NLRP14: variants seen among roughly 807,000 people sequenced by gnomAD.
The protein encoded by NLRP14 is NLR family pyrin domain containing 14, also known as NACHT, LRR and PYD domains-containing protein 14.
NLRP14 carries 105 observed loss-of-function variants against 94.7 expected under a neutral mutation model. The ratio of observed to expected loss-of-function variants is 1.11; its 90% CI spans 0.95 to 1.30. The LOEUF is 1.30. Ranked by LOEUF, NLRP14 falls within the 50% of genes most tolerant of loss-of-function variation. The pLI is 0.00. For missense variants in NLRP14, 1,362 were observed against 1,254.1 expected (o/e 1.09, Z -1.30); for synonymous variants, 508 against 459.9 (o/e 1.10, Z -1.34).
Position 7,071,266 on chromosome 11 carries a change from C to A in NLRP14, c.3240C>A (p.Asn1080Lys), listed in dbSNP as rs745689007. ...NPHLIIKPDC[N>K]YHNEEDVSWW... ...ACTTAATCATTAAGCCAGATTGTAA[C>A]TATCATAATGAAGAAGATGTGTCTT... Residue 1080 changes from asparagine (N) to lysine (K), a missense_variant, in exon 12 of 12, where the codon AAC becomes AAA. Transcript: ENST00000299481. 1 of 1,613,048 alleles carries A rather than the reference C, an allele frequency of 6.2e-7. No homozygotes were observed. Among genetic ancestry groups the A allele is most frequent in the Admixed American group, 1.7e-5 (1 of 59,962 alleles).
chr11:7,090,345 C>CA, the NLRP14 span: 2 of 1,539,390 alleles, frequency 1.3e-6, no homozygotes, highest in Non-Finnish European at 1.8e-6. Context: ...ACGAAACTAA[C>CA]AAAAAGAAGA....
chr11:7,058,514 T>C, intron 8 of NLRP14, 64 bp downstream of exon 8: 1 of 1,215,578 alleles, frequency 8.2e-7, no homozygotes, highest in Non-Finnish European at 1.2e-6. Flanking sequence ...TTTAAAATAG[T>C]AAAATATTAT....
chr11:7,029,392 A>G (rs1158368751), intron 1 of NLRP14, among the ~76,000 whole-genome samples: 1 of 152,234 alleles, frequency 6.6e-6, no homozygotes, highest in African/African-American at 2.4e-5. Flanking sequence ...AGGCATTGCA[A>G]TAACTTCAAA....
chr11:7,085,771 A>G, the NLRP14 span, among the ~76,000 whole-genome samples: 1 of 152,200 alleles, frequency 6.6e-6, no homozygotes, highest in Non-Finnish European at 1.5e-5. Context: ...TGCTACAGAA[A>G]TAGTTTTTAT....
chr11:7,078,252 C>G, the NLRP14 span, among the ~76,000 whole-genome samples: 1 of 150,856 alleles, frequency 6.6e-6, no homozygotes, highest in Non-Finnish European at 1.5e-5. Flanking sequence ...TCCTGGCTAA[C>G]ATGGCAAAAC....
intron 1 of NLRP14, among the ~76,000 whole-genome samples, chr11:7,028,563 A>C (rs1241118485): frequency 6.6e-6 from 1 of 152,122 alleles, no homozygotes; most frequent in Non-Finnish European, 1.5e-5. Context: ...CTTTGCCCAA[A>C]ACCCTCAGCT....
At chr11:7,080,345 T>C in the NLRP14 span, among the ~76,000 whole-genome samples, 1 of 152,204 alleles carries the variant, frequency 6.6e-6, no homozygotes, top group Non-Finnish European at 1.5e-5. Flanking sequence ...TATCCTTGAT[T>C]ACTACAGTAG....
At chr11:7,089,256 A>C in the NLRP14 span, 1 of 1,611,844 alleles carries the variant, frequency 6.2e-7, no homozygotes, top group Non-Finnish European at 8.5e-7. Context: ...CCGAGAAACC[A>C]ACAAGTCGAG....
the NLRP14 span, among the ~76,000 whole-genome samples, chr11:7,082,427 A>G: frequency 2.6e-5 from 4 of 152,214 alleles, no homozygotes; most frequent in Non-Finnish European, 4.4e-5. Flanking sequence ...GTCTATTATC[A>G]TATTTCATGA....
At chr11:7,089,700 C>A in the NLRP14 span, 579 of 1,519,620 alleles carry the variant, frequency 3.8e-4, no homozygotes, top group Non-Finnish European at 4.7e-4. Context: ...CTCAGGCCCA[C>A]CGCGCCGGGA....
At chr11:7,041,370 A>C (rs13377349) in intron 3 of NLRP14, among the ~76,000 whole-genome samples, 7,255 of 152,240 alleles carry the variant, frequency 0.048, 332 homozygotes, top group African/African-American at 0.12. Flanking sequence ...AGAAATAACC[A>C]GTATTAATAT....
At chr11:7,054,580 T>C (rs1280810771) in intron 6 of NLRP14, among the ~76,000 whole-genome samples, 2 of 152,166 alleles carry the variant, frequency 1.3e-5, no homozygotes, top group African/African-American at 4.8e-5. Context: ...TCTTTGCATA[T>C]GCCATTTGTG....
chr11:7,039,680 T>G lies in NLRP14; in HGVS notation c.290-34T>G, dbSNP rs750301440. The G allele has an allele frequency of 1.9e-6, 3 of 1,552,774 alleles. No individual in the cohort carries two copies. In the South Asian group the frequency reaches 3.3e-5, roughly 17 times the overall value. On this transcript the variant is annotated intron_variant, in intron 2 of 11. Transcript: ENST00000299481. ...ATCATGAAAGCTCACTTTGTTTTCA[T>G]TAAATATCATGATCCTATCGGAACC...
the NLRP14 span, among the ~76,000 whole-genome samples, chr11:7,077,125 T>C: frequency 6.6e-6 from 1 of 152,176 alleles, no homozygotes; most frequent in Admixed American, 6.5e-5. Flanking sequence ...GGTTGTCTTT[T>C]TACATTTCTT....
intron 10 of NLRP14, among the ~76,000 whole-genome samples, chr11:7,063,691 A>G (rs1852661874): frequency 6.6e-6 from 1 of 152,104 alleles, no homozygotes; most frequent in African/African-American, 2.4e-5. Context: ...TGATTAACAG[A>G]GACTGGGACC....
chr11:7,060,734 C>A (rs1404714969), intron 9 of NLRP14, among the ~76,000 whole-genome samples: 2 of 152,078 alleles, frequency 1.3e-5, no homozygotes, highest in East Asian at 3.9e-4. Flanking sequence ...ACTCTATGAG[C>A]AGATTTGCAT....
At chr11:7,041,760 G>A (rs1042402428) in intron 3 of NLRP14, among the ~76,000 whole-genome samples, 4 of 152,146 alleles carry the variant, frequency 2.6e-5, no homozygotes, top group Non-Finnish European at 2.9e-5. Context: ...GTAGTCTAGC[G>A]ATGAGGTTCA....
At chr11:7,033,253 C>T (rs1011961980) in intron 1 of NLRP14, among the ~76,000 whole-genome samples, 3 of 152,164 alleles carry the variant, frequency 2.0e-5, no homozygotes, top group Admixed American at 6.5e-5. Context: ...ACACATATTT[C>T]TATTGGATAT....
intron 9 of NLRP14, among the ~76,000 whole-genome samples, chr11:7,061,475 A>G (rs71472626): frequency 6.6e-6 from 1 of 152,014 alleles, no homozygotes; most frequent in African/African-American, 2.4e-5. Context: ...CAAAGCCTCT[A>G]TGCAGACCAT....
Sources: allele counts gnomAD v4.1 joint callset (sites outside exome capture counted in the v4.1 genomes callset), GRCh38; gene constraint gnomAD v4.1.1; transcripts MANE v1.5; gene names NCBI Gene and HGNC (gene_info 2026-07-23, HGNC 2026-07-21).